The following MARCHF11 variants were observed in gnomAD, a reference collection of about 807,000 sequenced individuals.
MARCHF11 encodes the protein E3 ubiquitin-protein ligase MARCHF11.
Under a neutral mutation model 37.3 loss-of-function variants are expected in MARCHF11, and 29 were observed. The observed-to-expected ratio is 0.78, with a 90% confidence interval of 0.58 to 1.06. The LOEUF is 1.06. MARCHF11 is among the 50% of genes least tolerant of loss of function. MARCHF11 has a pLI of 0.00. For synonymous variants in MARCHF11, 233 were observed against 228.0 expected (o/e 1.02, Z -0.20); for missense variants, 482 against 533.4 (o/e 0.90, Z 0.95).
At chr5:16,111,380 G>T (rs773116804) in intron 2 of MARCHF11, among the ~76,000 whole-genome samples, 24 of 152,212 alleles carry the variant, frequency 1.6e-4, no homozygotes, top group Non-Finnish European at 3.2e-4. Context: ...AGATGGAGAT[G>T]AGGTACTTGT....
chr5:16,133,570 A>G (rs1838744), intron 2 of MARCHF11, among the ~76,000 whole-genome samples: 78,312 of 152,026 alleles, frequency 0.52, 21,041 homozygotes, highest in African/African-American at 0.68. Context: ...TTTCTTACAC[A>G]GCACTAGCTA....
intron 3 of MARCHF11, among the ~76,000 whole-genome samples, chr5:16,068,693 C>G (rs1736389208): frequency 6.6e-6 from 1 of 152,322 alleles, no homozygotes; most frequent in South Asian, 2.1e-4. Flanking sequence ...TGTCACACAC[C>G]CTGCATTTCA....
chr5:16,101,397 T>G (rs1736955597), intron 2 of MARCHF11, among the ~76,000 whole-genome samples: 1 of 152,206 alleles, frequency 6.6e-6, no homozygotes, highest in African/African-American at 2.4e-5. Flanking sequence ...GCATTTTAGC[T>G]TTTCAGTTTT....
At chr5:16,162,305 CTG>C (rs926629296) in intron 2 of MARCHF11, among the ~76,000 whole-genome samples, 90 of 152,006 alleles carry the variant, frequency 5.9e-4, no homozygotes, top group African/African-American at 2.1e-3. Flanking sequence ...ATTGAGAAAA[CTG>C]AGCCTTTATC....
intron 1 of MARCHF11, among the ~76,000 whole-genome samples, chr5:16,178,509 G>T (rs545495672): frequency 6.6e-6 from 1 of 152,294 alleles, no homozygotes; most frequent in Admixed American, 6.5e-5. Context: ...AATATAAATT[G>T]TTGGCATAAT....
At chr5:16,103,742 C>T (rs1736995183) in intron 2 of MARCHF11, among the ~76,000 whole-genome samples, 1 of 152,160 alleles carries the variant, frequency 6.6e-6, no homozygotes, top group Non-Finnish European at 1.5e-5. Flanking sequence ...TTTTAACTGA[C>T]CTGGCAGTTT....
At chr5:16,170,487 T>C (rs1004525128) in intron 2 of MARCHF11, among the ~76,000 whole-genome samples, 1 of 152,136 alleles carries the variant, frequency 6.6e-6, no homozygotes, top group Admixed American at 6.6e-5. Context: ...AATAGCATTA[T>C]TGGAAGATCA....
chr5:16,072,094 G>C (rs1233781094), intron 3 of MARCHF11, among the ~76,000 whole-genome samples: 1 of 152,042 alleles, frequency 6.6e-6, no homozygotes, highest in East Asian at 1.9e-4. Flanking sequence ...TGAGTAGCTA[G>C]GACTAACAAA....
At chr5:16,100,929 G>T (rs1736944619) in intron 2 of MARCHF11, among the ~76,000 whole-genome samples, 1 of 152,104 alleles carries the variant, frequency 6.6e-6, no homozygotes, top group African/African-American at 2.4e-5. Context: ...TTACAAAGAA[G>T]GTTATGTCTA....
intron 2 of MARCHF11, among the ~76,000 whole-genome samples, chr5:16,166,898 T>C (rs999963409): frequency 0.014 from 22 of 1,574 alleles, no homozygotes; most frequent in African/African-American, 0.016. Context: ...AGGATGTGTG[T>C]GTGTGTGTGT....
chr5:16,173,726 G>A (rs1455028018), intron 2 of MARCHF11, among the ~76,000 whole-genome samples: 2 of 152,326 alleles, frequency 1.3e-5, no homozygotes, highest in South Asian at 4.1e-4. Context: ...CTGTGGCAGT[G>A]AGCAAGTGAA....
rs1303745662 is a variant in MARCHF11, at chr5:16,179,062, T to C, written c.514A>G (p.Ile172Val). Residue 172 changes from isoleucine to valine, a missense_variant, in exon 1 of 4, where the codon ATC becomes GTC. Physicochemically the swap from Ile to Val is conservative, Grantham distance 29. Transcript: ENST00000332432. The part of the protein sequence containing the change: ...QHQHHQPICK[I>V]CFQGAEQGEL... ...ACCTGCTCCGCGCCCTGGAAGCAGA[T>C]CTTGCAGATGGGCTGGTGGTGCTGG... 1.3e-6 allele frequency: 2 copies of C among 1,488,922 alleles called. No homozygotes were observed. The highest frequency in any genetic ancestry group is 2.9e-5 in the African/African-American group (2 of 68,624). The allele number at this position is 1,488,922 out of a possible 1,614,324, so 92.2% of individuals were successfully genotyped here. A position where few individuals can be genotyped will look rare whatever the true frequency, so the allele number is the denominator to read the frequency against.
At chr5:16,111,016 C>A (rs1361728624) in intron 2 of MARCHF11, among the ~76,000 whole-genome samples, 1 of 152,172 alleles carries the variant, frequency 6.6e-6, no homozygotes, top group Non-Finnish European at 1.5e-5. Context: ...CTGTCTCTTG[C>A]CTGCTGCCAA....
At chr5:16,088,907 T>G (rs2126555379) in intron 3 of MARCHF11, among the ~76,000 whole-genome samples, 1 of 152,288 alleles carries the variant, frequency 6.6e-6, no homozygotes, top group South Asian at 2.1e-4. Context: ...TCTAAGAAAT[T>G]TGACTTTATA....
At chr5:16,139,613 A>G (rs1309686749) in intron 2 of MARCHF11, among the ~76,000 whole-genome samples, 3 of 152,172 alleles carry the variant, frequency 2.0e-5, no homozygotes, top group African/African-American at 4.8e-5. Context: ...GACACATTAA[A>G]TTCAAAGCAA....
At chr5:16,176,393 TC>T (rs1446863568) in intron 2 of MARCHF11, among the ~76,000 whole-genome samples, 1 of 152,164 alleles carries the variant, frequency 6.6e-6, no homozygotes, top group Non-Finnish European at 1.5e-5. Context: ...AATGGTTTCA[TC>T]TGTTTTTCAA....
At chr5:16,159,742 T>A (rs756869385) in intron 2 of MARCHF11, among the ~76,000 whole-genome samples, 1 of 151,924 alleles carries the variant, frequency 6.6e-6, no homozygotes, top group Non-Finnish European at 1.5e-5. Context: ...TCATTCTCCA[T>A]ACATCCTCCC....
At chr5:16,153,207 A>G (rs1203546433) in intron 2 of MARCHF11, among the ~76,000 whole-genome samples, 2 of 152,010 alleles carry the variant, frequency 1.3e-5, no homozygotes, top group African/African-American at 4.8e-5. Flanking sequence ...AGTGGCTTGG[A>G]TTAGACATGA....
chr5:16,102,524 C>G (rs1180693478), intron 2 of MARCHF11, among the ~76,000 whole-genome samples: 1 of 152,128 alleles, frequency 6.6e-6, no homozygotes. Context: ...GTCTGAATGT[C>G]TAGAGAAGCA....
Sources: allele counts gnomAD v4.1 joint callset (sites outside exome capture counted in the v4.1 genomes callset), GRCh38; gene constraint gnomAD v4.1.1; transcripts MANE v1.5; gene names NCBI Gene and HGNC (gene_info 2026-07-23, HGNC 2026-07-21).